The following CRPPA variants were observed in gnomAD, a reference collection of about 807,000 sequenced individuals.
The protein encoded by CRPPA is CDP-L-ribitol pyrophosphorylase A.
Under a neutral mutation model 52.0 loss-of-function variants are expected in CRPPA, and 43 were observed. That is an observed-to-expected ratio of 0.83 (90% CI 0.65 to 1.07). CRPPA has a LOEUF of 1.07. Ranked by LOEUF, CRPPA falls within the 50% of genes least tolerant of loss-of-function variation. CRPPA has a pLI of 0.00. For synonymous variants in CRPPA, 250 were observed against 203.5 expected (o/e 1.23, Z -1.94); for missense variants, 629 against 551.7 (o/e 1.14, Z -1.40).
chr7:16,261,949 G>A (rs1187335362), intron 6 of CRPPA: 3 of 151,764 alleles, frequency 2.0e-5, no homozygotes, highest in Admixed American at 2.0e-4. Flanking sequence ...TCATCCCCTC[G>A]GATGTTTGTA....
At chr7:16,155,320 C>T (rs767514832) in intron 9 of CRPPA, among the ~76,000 whole-genome samples, 1 of 152,198 alleles carries the variant, frequency 6.6e-6, no homozygotes, top group African/African-American at 2.4e-5. Context: ...AGTGGGCTGA[C>T]ATCACTGAAC....
chr7:16,234,041 G>T (rs1436805278), intron 8 of CRPPA, among the ~76,000 whole-genome samples: 1 of 151,836 alleles, frequency 6.6e-6, no homozygotes, highest in Non-Finnish European at 1.5e-5. Flanking sequence ...AAGGAGACAG[G>T]AAAAAAGAAC....
intron 8 of CRPPA, 186 bp from the exon 9 acceptor site, chr7:16,216,383 G>T: frequency 2.3e-6 from 1 of 443,830 alleles, no homozygotes; most frequent in Non-Finnish European, 4.0e-6. Context: ...TATAAACACA[G>T]ATGTAGTAAA....
At chr7:16,159,390 C>T (rs1783254739) in intron 9 of CRPPA, among the ~76,000 whole-genome samples, 2 of 152,150 alleles carry the variant, frequency 1.3e-5, no homozygotes, top group African/African-American at 4.8e-5. Context: ...GTGTTCCCCT[C>T]CCTGTGCCCA....
chr7:16,216,039 C>G, intron 9 of CRPPA, 27 bp downstream of exon 9: 1 of 1,538,948 alleles, frequency 6.5e-7, no homozygotes, highest in South Asian at 1.2e-5. Flanking sequence ...ACAGAACATA[C>G]ATTCGGAAGA....
At chr7:16,317,170 G>C (rs1178201135) in intron 3 of CRPPA, among the ~76,000 whole-genome samples, 1 of 152,094 alleles carries the variant, frequency 6.6e-6, no homozygotes, top group East Asian at 1.9e-4. Flanking sequence ...AAATAGACTT[G>C]GGTTCCAACC....
chr7:16,353,716 G>A (rs1398385932), intron 3 of CRPPA, among the ~76,000 whole-genome samples: 1 of 151,992 alleles, frequency 6.6e-6, no homozygotes, highest in Non-Finnish European at 1.5e-5. Context: ...CAGGCGTGGT[G>A]ACACGTGCCT....
chr7:16,237,426 C>G (rs1454895384), intron 8 of CRPPA: 1 of 152,056 alleles, frequency 6.6e-6, no homozygotes, highest in Non-Finnish European at 1.5e-5. Flanking sequence ...GAGAACAAAC[C>G]CTGACTCTTC....
intron 9 of CRPPA, among the ~76,000 whole-genome samples, chr7:16,193,636 A>G (rs959586016): frequency 1.8e-4 from 27 of 152,114 alleles, no homozygotes; most frequent in Non-Finnish European, 3.5e-4. Flanking sequence ...AAGTATAAAT[A>G]CCATAAATAT....
At chr7:16,168,257 T>A (rs185259010) in intron 9 of CRPPA, among the ~76,000 whole-genome samples, 3 of 152,330 alleles carry the variant, frequency 2.0e-5, no homozygotes, top group African/African-American at 4.8e-5. Flanking sequence ...CTCACTTTGA[T>A]ACCAATAAAT....
At chr7:16,377,379 G>T (rs995970896) in intron 2 of CRPPA, among the ~76,000 whole-genome samples, 1 of 152,176 alleles carries the variant, frequency 6.6e-6, no homozygotes, top group Non-Finnish European at 1.5e-5. Context: ...GGAAGGAAAT[G>T]CATGTACACA....
At chr7:16,235,738 C>G (rs1005765434) in intron 8 of CRPPA, among the ~76,000 whole-genome samples, 1 of 152,026 alleles carries the variant, frequency 6.6e-6, no homozygotes, top group African/African-American at 2.4e-5. Context: ...GAGCATTCTA[C>G]TAAATGATTT....
chr7:16,416,443 C>G (rs1788195342), intron 1 of CRPPA, among the ~76,000 whole-genome samples: 1 of 152,172 alleles, frequency 6.6e-6, no homozygotes, highest in South Asian at 2.1e-4. Flanking sequence ...AAACACCATT[C>G]TGGGCATCAG....
At chr7:16,302,572 G>A (rs936745155) in intron 4 of CRPPA, among the ~76,000 whole-genome samples, 1 of 152,148 alleles carries the variant, frequency 6.6e-6, no homozygotes, top group Admixed American at 6.6e-5. Flanking sequence ...TATGATGCAA[G>A]TGTTCTAAAA....
chr7:16,360,179 T>C (rs1160306075), intron 3 of CRPPA, among the ~76,000 whole-genome samples: 1 of 152,228 alleles, frequency 6.6e-6, no homozygotes, highest in Non-Finnish European at 1.5e-5. Flanking sequence ...TATTGATCTC[T>C]AAGGATTCTA....
intron 9 of CRPPA, among the ~76,000 whole-genome samples, chr7:16,207,749 G>C (rs1182852522): frequency 6.6e-6 from 1 of 152,114 alleles, no homozygotes; most frequent in Non-Finnish European, 1.5e-5. Context: ...CAAAATATCA[G>C]AAACTGGACA....
At chr7:16,306,849 G>C (rs887849965) in intron 4 of CRPPA, among the ~76,000 whole-genome samples, 1 of 152,154 alleles carries the variant, frequency 6.6e-6, no homozygotes, top group African/African-American at 2.4e-5. Context: ...ACCCAGCAGA[G>C]GCAGACATTT....
chr7:16,312,474 A>T (rs1583510979), intron 3 of CRPPA, among the ~76,000 whole-genome samples: 1 of 152,114 alleles, frequency 6.6e-6, no homozygotes, highest in East Asian at 1.9e-4. Context: ...CAACTTTTCT[A>T]ATACTGTCCC....
intron 8 of CRPPA, among the ~76,000 whole-genome samples, chr7:16,229,131 G>C (rs1782725792): frequency 6.6e-6 from 1 of 151,882 alleles, no homozygotes; most frequent in South Asian, 2.1e-4. Flanking sequence ...AATTTGTATG[G>C]GACATCTTTT....
Sources: allele counts gnomAD v4.1 joint callset (sites outside exome capture counted in the v4.1 genomes callset), GRCh38; gene constraint gnomAD v4.1.1; transcripts MANE v1.5; gene names NCBI Gene and HGNC (gene_info 2026-07-23, HGNC 2026-07-21).